The following ADK variants were observed in gnomAD, a reference collection of about 807,000 sequenced individuals.
The protein encoded by ADK is N6,N6-dimethyladenosine kinase.
A neutral mutation model predicts 44.7 loss-of-function variants in ADK; 24 were observed. The observed-to-expected ratio is 0.54, with a 90% CI of 0.39 to 0.76. The LOEUF is 0.76. ADK is among the 30% of genes least tolerant of loss of function. ADK has a pLI of 0.00. For missense variants in ADK, 321 were observed against 425.1 expected (o/e 0.76, Z 2.15); for synonymous variants, 128 against 142.6 (o/e 0.90, Z 0.73).
At chr10:74,597,701 TAC>T (rs1164677545) in intron 8 of ADK, among the ~76,000 whole-genome samples, 1 of 152,144 alleles carries the variant, frequency 6.6e-6, no homozygotes, top group Admixed American at 6.5e-5. Flanking sequence ...ATCAGGGAGG[TAC>T]ACAGTGTCAC....
chr10:74,679,423 T>A (rs533044949), intron 10 of ADK, among the ~76,000 whole-genome samples: 15 of 152,342 alleles, frequency 9.8e-5, no homozygotes, highest in East Asian at 1.9e-4. Context: ...GTGGATTTTT[T>A]AAAAATGTTC....
chr10:74,462,056 A>G lies in ADK; in HGVS notation c.556-63200A>G, dbSNP rs192455016. Among the ~76,000 whole-genome samples, 6 of 152,224 alleles carry G rather than the reference A, an allele frequency of 3.9e-5. No individual in the cohort carries two copies. In the East Asian group the frequency reaches 1.2e-3, roughly 29 times the overall value. ...GCATTCAAAAGTTCTTTAAAAGCAT[A>G]TGTCTGTTTTAAATCTTATACAAAT... On this transcript the variant is annotated intron_variant, in intron 6 of 10. Coordinates refer to ENST00000539909, the MANE Select transcript of ADK (RefSeq NM_006721.4).
At chr10:74,614,613 C>A (rs532887116) in intron 9 of ADK, among the ~76,000 whole-genome samples, 12 of 152,180 alleles carry the variant, frequency 7.9e-5, no homozygotes, top group African/African-American at 2.9e-4. Flanking sequence ...GTTAGCTTTG[C>A]CTGTTTTTGA....
chr10:74,196,350 G>GC (rs1457912179), intron 1 of ADK, among the ~76,000 whole-genome samples: 1 of 151,868 alleles, frequency 6.6e-6, no homozygotes, highest in Non-Finnish European at 1.5e-5. Flanking sequence ...GACCATCCTG[G>GC]CCAACATGGT....
intron 9 of ADK, among the ~76,000 whole-genome samples, chr10:74,627,799 AT>A (rs377080915): frequency 6.6e-6 from 1 of 151,744 alleles, no homozygotes; most frequent in Non-Finnish European, 1.5e-5. Flanking sequence ...CACCTGGCTA[AT>A]TTTTTTTGGT....
chr10:74,656,523 C>T (rs563175493), intron 9 of ADK, among the ~76,000 whole-genome samples: 1 of 152,284 alleles, frequency 6.6e-6, no homozygotes, highest in Admixed American at 6.5e-5. Flanking sequence ...TTTGCTGGTG[C>T]TCCCTTCTTC....
intron 7 of ADK, among the ~76,000 whole-genome samples, chr10:74,566,738 G>C (rs943649253): frequency 1.3e-5 from 2 of 152,100 alleles, no homozygotes; most frequent in East Asian, 1.9e-4. Flanking sequence ...TTCTTGATGA[G>C]AGTTTAGGTA....
chr10:74,458,119 CT>C (rs1172945144), intron 6 of ADK, among the ~76,000 whole-genome samples: 1,285 of 74,426 alleles, frequency 0.017, 4 homozygotes, highest in African/African-American at 0.072. Context: ...TGCATTAAAA[CT>C]TTTTTTTTTT....
intron 3 of ADK, among the ~76,000 whole-genome samples, chr10:74,264,776 G>A (rs1846157540): frequency 6.6e-6 from 1 of 152,122 alleles, no homozygotes; most frequent in African/African-American, 2.4e-5. Context: ...TTTTGTGTAT[G>A]GTGTGAGGTA....
intron 3 of ADK, among the ~76,000 whole-genome samples, chr10:74,250,886 A>G (rs2132335486): frequency 6.6e-6 from 1 of 152,212 alleles, no homozygotes; most frequent in South Asian, 2.1e-4. Context: ...GTGTGCCACC[A>G]TGGCTGGCCA....
chr10:74,438,151 T>G (rs1488684778), intron 6 of ADK, among the ~76,000 whole-genome samples: 2 of 152,026 alleles, frequency 1.3e-5, no homozygotes, highest in Non-Finnish European at 2.9e-5. Flanking sequence ...TTTGTTGCAG[T>G]TATCTCCATT....
At chr10:74,499,245 C>A (rs1248602920) in intron 6 of ADK, among the ~76,000 whole-genome samples, 2 of 152,050 alleles carry the variant, frequency 1.3e-5, no homozygotes, top group Non-Finnish European at 2.9e-5. Flanking sequence ...TATATTGAAG[C>A]CTTAATCTTT....
chr10:74,182,932 T>C (rs953601758), intron 1 of ADK, among the ~76,000 whole-genome samples: 7 of 152,300 alleles, frequency 4.6e-5, no homozygotes, highest in South Asian at 2.1e-4. Context: ...TTTTTATTTT[T>C]TGAGGCACGG....
At chr10:74,695,514 ATATATG>A (rs1856151691) in intron 10 of ADK, among the ~76,000 whole-genome samples, 3 of 149,186 alleles carry the variant, frequency 2.0e-5, no homozygotes, top group South Asian at 2.1e-4. Flanking sequence ...GTATGTGTGT[ATATATG>A]TATATGTATA....
chr10:74,285,412 A>T (rs976827722), intron 3 of ADK, among the ~76,000 whole-genome samples: 9 of 152,254 alleles, frequency 5.9e-5, no homozygotes, highest in African/African-American at 2.2e-4. Context: ...CAACACATAT[A>T]CTAAAGTTGG....
At chr10:74,631,199 A>AAAT (rs1853403151) in intron 9 of ADK, among the ~76,000 whole-genome samples, 1 of 151,862 alleles carries the variant, frequency 6.6e-6, no homozygotes, top group Admixed American at 6.6e-5. Flanking sequence ...ATTTATACAC[A>AAAT]CATCTATATC....
intron 9 of ADK, among the ~76,000 whole-genome samples, chr10:74,610,798 A>G (rs1289368775): frequency 1.3e-5 from 2 of 152,170 alleles, no homozygotes; most frequent in Non-Finnish European, 2.9e-5. Context: ...GCAACTACTA[A>G]TGAGATCTTC....
chr10:74,646,668 A>G (rs1589329551), intron 9 of ADK, among the ~76,000 whole-genome samples: 1 of 152,336 alleles, frequency 6.6e-6, no homozygotes, highest in South Asian at 2.1e-4. Context: ...AGCAAATGTT[A>G]GTATTACAGT....
chr10:74,176,796 T>C, intron 1 of ADK: 1 of 1,596,536 alleles, frequency 6.3e-7, no homozygotes, highest in South Asian at 1.1e-5. Flanking sequence ...AAGCAGTTGC[T>C]GTGGTACCTG....
Sources: allele counts gnomAD v4.1 joint callset (sites outside exome capture counted in the v4.1 genomes callset), GRCh38; gene constraint gnomAD v4.1.1; transcripts MANE v1.5; gene names NCBI Gene and HGNC (gene_info 2026-07-23, HGNC 2026-07-21).